PRR5L: variants seen among roughly 807,000 people sequenced by gnomAD.
The protein encoded by PRR5L is proline rich 5 like.
A neutral mutation model predicts 36.4 loss-of-function variants in PRR5L; 21 were observed. The observed-to-expected ratio is 0.58, with a 90% CI of 0.41 to 0.83. The LOEUF (loss-of-function observed/expected upper bound fraction) is 0.83, where lower values mean the gene tolerates loss of function less well. Ranked by LOEUF, PRR5L falls within the 40% of genes least tolerant of loss-of-function variation. The pLI is 0.00. For synonymous variants in PRR5L, 188 were observed against 197.0 expected, an observed-to-expected ratio of 0.95 and a Z score of 0.38; for missense variants, 381 against 473.3, an observed-to-expected ratio of 0.80 and a Z score of 1.81.
rs571762965 is a variant in PRR5L at position 36,410,519 on chromosome 11, C to A, written c.245+7141C>A. Among the ~76,000 whole-genome samples the A allele has an allele frequency of 7.2e-5, 11 of 152,276 alleles. No individual in the cohort carries two copies. The East Asian group carries it at 2.1e-3, about 29-fold the overall frequency. On this transcript the variant is annotated intron_variant, in intron 3 of 8. Coordinates refer to ENST00000530639, the MANE Select transcript of PRR5L (RefSeq NM_001160167.2). ...AAGCTCTGAGCATCGATCTTATCTG[C>A]AAAATGAGGATACACTCCTACCTGT... is the stretch of plus-strand genomic sequence containing the variant.
chr11:36,317,407 A>G (rs1856568431), intron 1 of PRR5L, among the ~76,000 whole-genome samples: 1 of 152,206 alleles, frequency 6.6e-6, no homozygotes, highest in South Asian at 2.1e-4. Flanking sequence ...GAACTTTGCT[A>G]TGTAAACTGT....
At chr11:36,307,245 T>G (rs1417799723) in intron 1 of PRR5L, among the ~76,000 whole-genome samples, 1 of 152,198 alleles carries the variant, frequency 6.6e-6, no homozygotes, top group Non-Finnish European at 1.5e-5. Context: ...TCATATGCCT[T>G]GTCATTCACT....
intron 4 of PRR5L, among the ~76,000 whole-genome samples, chr11:36,426,888 G>T (rs1454537738): frequency 1.3e-5 from 2 of 152,146 alleles, no homozygotes; most frequent in African/African-American, 2.4e-5. Context: ...GGGAAGATGG[G>T]GTTCTCCCTG....
chr11:36,331,194 TAAG>T lies in PRR5L; in HGVS notation c.-126+34759_-126+34761del, dbSNP rs374989741. ...CATACTAATATAACATAGAGACAGT[TAAG>T]AATCCCTTTTTATTTGACATGCTTC... On this transcript the variant is annotated intron_variant, in intron 1 of 8. Transcript: ENST00000530639. Among the ~76,000 whole-genome samples the T allele has an allele frequency of 6.5e-3, 994 of 152,322 alleles. 10 individuals carry two copies. The highest frequency in any genetic ancestry group is 0.023 in the African/African-American group (945 of 41,568).
At chr11:36,460,117 C>A (rs1014747617) in intron 8 of PRR5L, among the ~76,000 whole-genome samples, 23 of 152,128 alleles carry the variant, frequency 1.5e-4, no homozygotes, top group African/African-American at 5.3e-4. Context: ...CCCAGTATAA[C>A]CCCAGTTTTG....
chr11:36,383,079 T>G (rs1203561941), intron 1 of PRR5L, among the ~76,000 whole-genome samples: 1 of 152,224 alleles, frequency 6.6e-6, no homozygotes, highest in East Asian at 1.9e-4. Context: ...GCTTAAATGC[T>G]CTGAACCAGA....
intron 1 of PRR5L, among the ~76,000 whole-genome samples, chr11:36,351,893 C>G (rs1413946902): frequency 1.3e-5 from 2 of 149,486 alleles, no homozygotes; most frequent in East Asian, 3.9e-4. Flanking sequence ...CATGCGTGTG[C>G]AAATATCTTT....
At chr11:36,406,859 C>T (rs577915355) in intron 3 of PRR5L, among the ~76,000 whole-genome samples, 1 of 152,230 alleles carries the variant, frequency 6.6e-6, no homozygotes, top group South Asian at 2.1e-4. Context: ...AATTTTTAAC[C>T]AAAGAGAGCA....
Position 36,350,984 on chromosome 11 carries a change from A to G in PRR5L, c.-125-50013A>G, listed in dbSNP as rs866546080. ...TATTTATATATTTATATATATTTATATATTTATATATTTATATATATTTAT... is the reference window on the plus strand; with the variant it reads ...TATTTATATATTTATATATATTTATGTATTTATATATTTATATATATTTAT... On this transcript the variant is annotated intron_variant, in intron 1 of 8. Transcript: ENST00000530639. Among the ~76,000 whole-genome samples the G allele has an allele frequency of 7.8e-3, 661 of 84,780 alleles. 150 individuals carry two copies. Among genetic ancestry groups the G allele is most frequent in the African/African-American group, 0.033 (633 of 19,058 alleles). The allele number at this position is 84,780 out of a possible 152,430, so 55.6% of individuals were successfully genotyped here.
intron 6 of PRR5L, among the ~76,000 whole-genome samples, chr11:36,444,076 G>T (rs1858778531): frequency 6.6e-6 from 1 of 152,290 alleles, no homozygotes; most frequent in Middle Eastern, 3.4e-3. Flanking sequence ...GCCCAACGTG[G>T]CATGGATAAA....
At chr11:36,392,854 G>C (rs758670819) in intron 1 of PRR5L, among the ~76,000 whole-genome samples, 2 of 152,124 alleles carry the variant, frequency 1.3e-5, no homozygotes, top group Non-Finnish European at 2.9e-5. Flanking sequence ...CCTCCTACCA[G>C]GTCCCTCTCC....
At position 36,350,905 on chromosome 11, in the gene PRR5L, A is replaced by AAT. The variant is rs1460848784; in HGVS notation, c.-125-50079_-125-50078dup. Among the ~76,000 whole-genome samples the AAT allele has an allele frequency of 3.5e-3, 263 of 74,298 alleles. 12 individuals carry two copies. The highest frequency in any genetic ancestry group is 0.013 in the African/African-American group (253 of 20,140). 48.7% of individuals were successfully genotyped at this position (74,298 alleles called of 152,430 possible). On this transcript the variant is annotated intron_variant, in intron 1 of 8. Coordinates refer to ENST00000530639, the MANE Select transcript of PRR5L (RefSeq NM_001160167.2). ...TACGGCTGAGTAGTATTCCATGGTA[A>AAT]ATATATATATATATTTATATATATT...
chr11:36,347,105 C>T (rs926792455), intron 1 of PRR5L, among the ~76,000 whole-genome samples: 12 of 152,076 alleles, frequency 7.9e-5, no homozygotes, highest in African/African-American at 2.9e-4. Context: ...AGAATAGGCT[C>T]CAAACTATTA....
intron 1 of PRR5L, among the ~76,000 whole-genome samples, chr11:36,307,074 A>T (rs1856441991): frequency 6.6e-6 from 1 of 152,178 alleles, no homozygotes; most frequent in South Asian, 2.1e-4. Flanking sequence ...AGAAACGGCC[A>T]GGGGGCGACA....
At chr11:36,351,338 T>A (rs1395005865) in intron 1 of PRR5L, among the ~76,000 whole-genome samples, 3 of 71,466 alleles carry the variant, frequency 4.2e-5, no homozygotes, top group Non-Finnish European at 7.1e-5. Context: ...TTATATATAT[T>A]TATAATATAT....
chr11:36,434,127 T>C (rs911845263), intron 5 of PRR5L, among the ~76,000 whole-genome samples: 1 of 152,160 alleles, frequency 6.6e-6, no homozygotes, highest in Non-Finnish European at 1.5e-5. Context: ...CTAGACAGGA[T>C]GAACAAAGTT....
At chr11:36,340,403 C>G (rs1433304662) in intron 1 of PRR5L, among the ~76,000 whole-genome samples, 1 of 152,178 alleles carries the variant, frequency 6.6e-6, no homozygotes, top group Admixed American at 6.5e-5. Context: ...ATTCATTTTC[C>G]TTTCTAGCTT....
At chr11:36,460,208 T>C (rs1859150607) in intron 8 of PRR5L, among the ~76,000 whole-genome samples, 1 of 152,194 alleles carries the variant, frequency 6.6e-6, no homozygotes, top group East Asian at 1.9e-4. Flanking sequence ...TTTCTCACTG[T>C]CCTTAAATAT....
intron 3 of PRR5L, among the ~76,000 whole-genome samples, chr11:36,404,655 G>C (rs1434117507): frequency 6.6e-6 from 1 of 151,656 alleles, no homozygotes; most frequent in African/African-American, 2.4e-5. Context: ...CCCTGGAGTG[G>C]GCAGAACAAT....
Sources: allele counts gnomAD v4.1 joint callset (sites outside exome capture counted in the v4.1 genomes callset), GRCh38; gene constraint gnomAD v4.1.1; transcripts MANE v1.5; gene names NCBI Gene and HGNC (gene_info 2026-07-23, HGNC 2026-07-21).